Variants in MPP7 observed in about 807,000 individuals in gnomAD.
MPP7 encodes the protein MAGUK p55 scaffold protein 7.
MPP7 carries 60 observed loss-of-function variants against 76.5 expected under a neutral mutation model. The observed-to-expected ratio is 0.78, with a 90% CI of 0.64 to 0.97. The LOEUF (loss-of-function observed/expected upper bound fraction) is 0.97. Among genes scored for constraint, MPP7 ranks in the 50% least tolerant of loss-of-function variants. The pLI is 0.00. For missense variants in MPP7, 641 were observed against 694.0 expected, an observed-to-expected ratio of 0.92 and a Z score of 0.86; for synonymous variants, 237 against 244.5, an observed-to-expected ratio of 0.97 and a Z score of 0.29.
Position 28,257,789 on chromosome 10 carries a change from ACT to A in MPP7, c.-131-19056_-131-19055del, listed in dbSNP as rs563937155. On this transcript the variant is annotated intron_variant, in intron 1 of 16. Transcript: ENST00000683449. ...AAGAAAGCTTGTTTCCATGAACGTA[ACT>A]CTTTTTTATAACAGGTTCTATGTCT... is the stretch of plus-strand genomic sequence containing the variant. Among the ~76,000 whole-genome samples, 22 of 151,820 alleles carry A rather than the reference ACT, an allele frequency of 1.4e-4. 1 individual carries two copies. The East Asian group carries it at 4.3e-3, about 29-fold the overall frequency.
At chr10:28,065,507 T>C (rs1851954668) in intron 13 of MPP7, among the ~76,000 whole-genome samples, 1 of 152,160 alleles carries the variant, frequency 6.6e-6, no homozygotes, top group Non-Finnish European at 1.5e-5. Context: ...CTGAAATTCT[T>C]ATGTGAAGGA....
At chr10:28,260,794 ATT>A (rs1384099860) in intron 1 of MPP7, among the ~76,000 whole-genome samples, 1 of 141,476 alleles carries the variant, frequency 7.1e-6, no homozygotes, top group African/African-American at 2.6e-5. Context: ...AAAAAAAAAA[ATT>A]TTTTTTAAAT....
intron 12 of MPP7, among the ~76,000 whole-genome samples, chr10:28,088,651 G>A (rs1188166180): frequency 6.6e-6 from 1 of 152,148 alleles, no homozygotes; most frequent in Admixed American, 6.5e-5. Flanking sequence ...CTAACACTAA[G>A]AGACACCATG....
intron 2 of MPP7, among the ~76,000 whole-genome samples, chr10:28,235,045 A>C (rs1384487583): frequency 6.6e-6 from 1 of 152,140 alleles, no homozygotes; most frequent in Non-Finnish European, 1.5e-5. Flanking sequence ...TCTGGACTCA[A>C]GAGATCCACC....
At chr10:28,167,902 T>C in intron 3 of MPP7, among the ~76,000 whole-genome samples, 1 of 152,182 alleles carries the variant, frequency 6.6e-6, no homozygotes. Flanking sequence ...AATAGCTAGC[T>C]CACTGTGGCA....
At chr10:28,115,713 T>C (rs544883500) in intron 11 of MPP7, among the ~76,000 whole-genome samples, 2 of 152,242 alleles carry the variant, frequency 1.3e-5, no homozygotes, top group African/African-American at 2.4e-5. Context: ...TTTTACTCAA[T>C]GCTTAAATTC....
chr10:28,300,002 T>G (rs10763656), intron 1 of MPP7, among the ~76,000 whole-genome samples: 8 of 151,656 alleles, frequency 5.3e-5, no homozygotes, highest in Admixed American at 2.6e-4. Flanking sequence ...CTCCTGACCT[T>G]GTGATCCGCC....
chr10:28,300,135 T>C (rs1414257676), intron 1 of MPP7, among the ~76,000 whole-genome samples: 1 of 152,162 alleles, frequency 6.6e-6, no homozygotes, highest in Non-Finnish European at 1.5e-5. Flanking sequence ...ACAGCTGCAG[T>C]ACCTTTGTAT....
chr10:28,124,312 C>T (rs1043973990), intron 7 of MPP7, among the ~76,000 whole-genome samples, 196 bp from the exon 8 acceptor site: 2 of 152,122 alleles, frequency 1.3e-5, no homozygotes, highest in Admixed American at 6.6e-5. Flanking sequence ...CATAGTAATG[C>T]TGGCCAAGAA....
chr10:28,147,522 G>T lies in MPP7; in HGVS notation c.276C>A (p.Ile92=). Residue 92 remains isoleucine (I), a synonymous_variant, in exon 5 of 17, where the codon ATC becomes ATA. Coordinates refer to ENST00000683449, the MANE Select transcript of MPP7 (RefSeq NM_001318170.2). ...ELQNKPLNSE[I]RELLKLLSKP... is the part of the protein sequence containing the mutation. ...TTGACAGTAGTTTCAACAGCTCTCT[G>T]ATCTCACTGTTTAATGGCTTGTTCT... 6.2e-7 allele frequency: 1 copy of T among 1,614,068 alleles called. No individual in the cohort carries two copies. Among genetic ancestry groups the T allele is most frequent in the African/African-American group, 1.3e-5 (1 of 75,044 alleles).
intron 2 of MPP7, among the ~76,000 whole-genome samples, chr10:28,310,236 A>T (rs568488260): frequency 1.3e-5 from 2 of 152,156 alleles, no homozygotes; most frequent in Non-Finnish European, 2.9e-5. Flanking sequence ...TCCTGGCCTC[A>T]GGTGAGCAGC....
At position 28,146,866 on chromosome 10, in the gene MPP7, G is replaced by A. The variant is rs1418120491; in HGVS notation, c.315+617C>T. The stretch of plus-strand genomic sequence containing the variant: ...AGGATTTAGTGCAGTAATGACTTCA[G>A]AATAATGTAGGAAAATTCTGAAATG... On this transcript the variant is annotated intron_variant, in intron 5 of 16. Transcript: ENST00000683449. Among the ~76,000 whole-genome samples, 4 of 152,116 alleles carry A rather than the reference G, an allele frequency of 2.6e-5. No individual in the cohort carries two copies. In the East Asian group the frequency reaches 7.7e-4, roughly 29 times the overall value.
chr10:28,156,385 C>G (rs1358808940), intron 3 of MPP7, among the ~76,000 whole-genome samples: 1 of 152,306 alleles, frequency 6.6e-6, no homozygotes, highest in East Asian at 1.9e-4. Context: ...TCTCGTCTCC[C>G]TTTGACTACA....
chr10:28,161,939 C>A (rs74129014), intron 3 of MPP7, among the ~76,000 whole-genome samples: 2 of 152,140 alleles, frequency 1.3e-5, no homozygotes, highest in Admixed American at 6.5e-5. Flanking sequence ...TACTTTCAAA[C>A]GGCAGATGGT....
rs1838884112 is a variant in MPP7 at position 28,231,545 on chromosome 10, AC to A, written c.37+7022del. Among the ~76,000 whole-genome samples the A allele has an allele frequency of 1.4e-4, 21 of 151,600 alleles. No homozygotes were observed. In the South Asian group the frequency reaches 4.2e-3, roughly 30 times the overall value. The stretch of plus-strand genomic sequence containing the variant: ...GAGTGCGAAAATTACCAACATCAGG[AC>A]CAAAAAAAAAAAAGCATCAATGTAG... On this transcript the variant is annotated intron_variant, in intron 2 of 16. Coordinates refer to ENST00000683449, the MANE Select transcript of MPP7 (RefSeq NM_001318170.2).
chr10:28,251,000 T>C (rs928689167), intron 1 of MPP7, among the ~76,000 whole-genome samples: 1 of 152,140 alleles, frequency 6.6e-6, no homozygotes, highest in African/African-American at 2.4e-5. Context: ...AAAAGGAAAA[T>C]GGAATTCATG....
chr10:28,161,508 C>T (rs1836263534), intron 3 of MPP7, among the ~76,000 whole-genome samples: 1 of 152,046 alleles, frequency 6.6e-6, no homozygotes, highest in Non-Finnish European at 1.5e-5. Flanking sequence ...GCTTTGCAGG[C>T]ATGAATAATC....
chr10:28,198,583 TA>T (rs34071650), intron 3 of MPP7, among the ~76,000 whole-genome samples: 73,373 of 145,080 alleles, frequency 0.51, 20,023 homozygotes, highest in East Asian at 0.98. Context: ...TCAGAGAATT[TA>T]AAAAAAAAAA....
chr10:28,228,358 G>A (rs1478543826), intron 2 of MPP7, among the ~76,000 whole-genome samples: 2 of 152,104 alleles, frequency 1.3e-5, no homozygotes, highest in Middle Eastern at 3.2e-3. Context: ...ATCACTTTAA[G>A]GATAAAGGAT....
Sources: allele counts gnomAD v4.1 joint callset (sites outside exome capture counted in the v4.1 genomes callset), GRCh38; gene constraint gnomAD v4.1.1; transcripts MANE v1.5; gene names NCBI Gene and HGNC (gene_info 2026-07-23, HGNC 2026-07-21).